CDK5RAP2: variants seen among roughly 807,000 people sequenced by gnomAD.
CDK5RAP2 encodes CDK5 regulatory subunit-associated protein 2.
Under a neutral mutation model 232.9 loss-of-function variants are expected in CDK5RAP2, and 147 were observed. That is an observed-to-expected ratio of 0.63 (90% CI 0.55 to 0.72). The LOEUF is 0.72. Ranked by LOEUF, CDK5RAP2 falls within the 30% of genes least tolerant of loss-of-function variation. The pLI is 0.00. For missense variants in CDK5RAP2, 2,195 were observed against 2,231.5 expected, an observed-to-expected ratio of 0.98 and a Z score of 0.33; for synonymous variants, 833 against 833.7, an observed-to-expected ratio of 1.00 and a Z score of 0.01.
chr9:120,455,926 A>C (rs2036748386), intron 20 of CDK5RAP2, among the ~76,000 whole-genome samples: 1 of 152,190 alleles, frequency 6.6e-6, no homozygotes, highest in African/African-American at 2.4e-5. Flanking sequence ...GTATCCAAAG[A>C]TCAAAAACAG....
In CDK5RAP2 at chr9:120,572,006, C is replaced by T. The variant is rs779021360; in HGVS notation, c.95G>A (p.Gly32Asp). ...TCCCAACCCAGCATTGGGGTTGATG[C>T]CATCCAGGTCATCTGGTACACTGGG... ...LVPSVPDDLD[G>D]INPNAGLGNG... Residue 32 changes from glycine to aspartate, a missense_variant, in exon 2 of 38, where the codon GGC becomes GAC. By Grantham distance (94) the Gly-to-Asp change is moderately conservative. Transcript: ENST00000349780. 5 of 1,613,874 alleles carry T rather than the reference C, an allele frequency of 3.1e-6. No homozygotes were observed. Among genetic ancestry groups the T allele is most frequent in the South Asian group, 1.1e-5 (1 of 91,082 alleles).
At chr9:120,487,680 G>A (rs1019867409) in intron 13 of CDK5RAP2, among the ~76,000 whole-genome samples, 6 of 152,102 alleles carry the variant, frequency 3.9e-5, no homozygotes, top group Admixed American at 6.5e-5. Flanking sequence ...GGTCGCAGTC[G>A]CTACAAACCG....
chr9:120,415,763 A>G (rs1318983400), intron 27 of CDK5RAP2, among the ~76,000 whole-genome samples: 1 of 152,182 alleles, frequency 6.6e-6, no homozygotes, highest in Non-Finnish European at 1.5e-5. Context: ...GTTATTTTCC[A>G]ATGTCTTTTA....
At chr9:120,491,900 AAAC>A (rs1214774534) in intron 12 of CDK5RAP2, among the ~76,000 whole-genome samples, 5 of 152,210 alleles carry the variant, frequency 3.3e-5, no homozygotes, top group South Asian at 4.1e-4. Context: ...TAACACATCA[AAAC>A]AACAACAGTA....
At chr9:120,468,793 G>A (rs747896782) in intron 17 of CDK5RAP2, among the ~76,000 whole-genome samples, 17 of 152,224 alleles carry the variant, frequency 1.1e-4, no homozygotes, top group Non-Finnish European at 1.6e-4. Flanking sequence ...GGAACAAGCA[G>A]ACACCACCTT....
Position 120,439,638 on chromosome 9 carries a change from C to A in CDK5RAP2, c.3483G>T (p.Lys1161Asn). 1.2e-6 allele frequency: 2 copies of A among 1,614,202 alleles called. No individual in the cohort carries two copies. The highest frequency in any genetic ancestry group is 1.7e-6 in the Non-Finnish European group (2 of 1,180,042). ...TCATTTCTTCCCCATCAGAACCATT[C>A]TTGGGCTTGCTCAAGCCATCCTGGG... is the stretch of plus-strand genomic sequence containing the variant. ...EGAQDGLSKP[K>N]NGSDGEEMTF... The change falls in exon 24 of 38, where the codon AAG becomes AAT. Residue 1161 changes from lysine to asparagine, a missense_variant. Coordinates refer to ENST00000349780, the MANE Select transcript of CDK5RAP2 (RefSeq NM_018249.6).
intron 11 of CDK5RAP2, among the ~76,000 whole-genome samples, chr9:120,522,108 C>T (rs2040694087): frequency 6.6e-6 from 1 of 152,180 alleles, no homozygotes; most frequent in Non-Finnish European, 1.5e-5. Context: ...ATGGACTATA[C>T]TCAGTTGTTT....
At chr9:120,411,971 TCAAG>T (rs10594203) in intron 28 of CDK5RAP2, among the ~76,000 whole-genome samples, 21,210 of 152,128 alleles carry the variant, frequency 0.14, 1,576 homozygotes, top group Middle Eastern at 0.2. Context: ...CACTGCCCAG[TCAAG>T]CAATCATGAC....
At chr9:120,468,307 T>C (rs1363076782) in intron 17 of CDK5RAP2, among the ~76,000 whole-genome samples, 1 of 152,206 alleles carries the variant, frequency 6.6e-6, no homozygotes, top group Non-Finnish European at 1.5e-5. Context: ...GTGGTCACAG[T>C]GCACTAAAGT....
In CDK5RAP2 at chr9:120,403,125, A is replaced by C. The variant is rs533936696; in HGVS notation, c.5042-54T>G. ...CTGTTTCAGGTAACACTCTGCGTTC[A>C]AGACGCTTATGATGTTGAAGCTAGC... is the stretch of plus-strand genomic sequence containing the variant. On this transcript the variant is annotated intron_variant, in intron 33 of 37. Transcript: ENST00000349780. The surrounding 1 kb of genome is among the most constrained non-coding windows in gnomAD (Gnocchi z 4.2). 51 of 1,588,582 alleles carry C rather than the reference A, an allele frequency of 3.2e-5. No homozygotes were observed. Among genetic ancestry groups the C allele is most frequent in the East Asian group, 2.0e-4 (9 of 44,776 alleles).
intron 21 of CDK5RAP2, among the ~76,000 whole-genome samples, chr9:120,452,495 G>A (rs1251453650): frequency 2.0e-5 from 3 of 151,900 alleles, no homozygotes; most frequent in African/African-American, 7.3e-5. Context: ...TCAGAAACAA[G>A]AATATCAACA....
intron 18 of CDK5RAP2, 81 bp from the exon 19 acceptor site, chr9:120,460,748 C>CTTT: frequency 2.4e-6 from 3 of 1,236,424 alleles, no homozygotes; most frequent in Non-Finnish European, 3.3e-6. Flanking sequence ...TCAGTGATGT[C>CTTT]TTTTTTTTTT....
intron 4 of CDK5RAP2, 103 bp downstream of exon 4, chr9:120,550,689 T>C: frequency 2.5e-6 from 2 of 786,922 alleles, no homozygotes; most frequent in Non-Finnish European, 2.3e-6. Context: ...AATGAAAGCA[T>C]CTCTATTCAT....
intron 14 of CDK5RAP2, among the ~76,000 whole-genome samples, chr9:120,478,563 G>A (rs190431746): frequency 1.0e-3 from 154 of 152,270 alleles, no homozygotes; most frequent in African/African-American, 2.4e-3. Flanking sequence ...CTTGAGGCCC[G>A]GAGTTCAAGA....
intron 3 of CDK5RAP2, among the ~76,000 whole-genome samples, chr9:120,553,410 T>C (rs1262641300): frequency 1.3e-5 from 2 of 152,210 alleles, no homozygotes; most frequent in Non-Finnish European, 2.9e-5. Context: ...CTAAATGTTC[T>C]CCAAAATCCT....
intron 12 of CDK5RAP2, 101 bp downstream of exon 12, chr9:120,518,326 T>G (rs1431749836): frequency 3.2e-6 from 3 of 930,084 alleles, no homozygotes; most frequent in Non-Finnish European, 5.2e-6. Flanking sequence ...AGTGAAATAT[T>G]TTCTTAAGTC....
At position 120,419,861 on chromosome 9, in the gene CDK5RAP2, G is replaced by T; in HGVS notation, c.4104C>A (p.Ser1368=). ...ALSDYETSEK[S]FFSRDQKQDN... is the part of the protein sequence containing the mutation. The stretch of plus-strand genomic sequence containing the variant: ...CTTGCTTCTGGTCTCGTGAGAAGAA[G>T]GACTTTTCAGATGTTTCATAATCAG... The change falls in exon 27 of 38, where the codon TCC becomes TCA. Residue 1368 remains serine, a synonymous_variant. Transcript: ENST00000349780. The T allele has an allele frequency of 6.2e-7, 1 of 1,613,654 alleles. No homozygotes were observed. Among genetic ancestry groups the T allele is most frequent in the Non-Finnish European group, 8.5e-7 (1 of 1,179,538 alleles).
At chr9:120,483,990 C>T (rs2038459876) in intron 14 of CDK5RAP2, among the ~76,000 whole-genome samples, 1 of 152,176 alleles carries the variant, frequency 6.6e-6, no homozygotes, top group East Asian at 1.9e-4. Context: ...AATTCAGCAG[C>T]GATGTCCCAA....
At chr9:120,394,686 T>C (rs1351594482) in intron 35 of CDK5RAP2, 48 bp from the exon 36 acceptor site, 1 of 1,388,132 alleles carries the variant, frequency 7.2e-7, no homozygotes, top group Non-Finnish European at 1.0e-6. Flanking sequence ...ATAAACATCA[T>C]GTTACACAGG....
Sources: allele counts gnomAD v4.1 joint callset (sites outside exome capture counted in the v4.1 genomes callset), GRCh38; gene constraint gnomAD v4.1.1; non-coding constraint Gnocchi (gnomAD v3.1); transcripts MANE v1.5; gene names NCBI Gene and HGNC (gene_info 2026-07-23, HGNC 2026-07-21).